Variants in SLC47A2 observed in about 807,000 individuals in gnomAD.
The protein encoded by SLC47A2 is multidrug and toxin extrusion protein 2.
Under a neutral mutation model 67.7 loss-of-function variants are expected in SLC47A2, and 52 were observed. The observed-to-expected ratio is 0.77, with a 90% confidence interval of 0.61 to 0.97. The LOEUF (loss-of-function observed/expected upper bound fraction) is 0.97, where lower values mean the gene tolerates loss of function less well. Among genes scored for constraint, SLC47A2 ranks in the 50% least tolerant of loss-of-function variants. The pLI is 0.00. For synonymous variants in SLC47A2, 278 were observed against 292.9 expected (o/e 0.95, Z 0.52); for missense variants, 676 against 712.3 (o/e 0.95, Z 0.58).
chr17:19,711,270 T>C (rs1475676948), intron 5 of SLC47A2, among the ~76,000 whole-genome samples: 1 of 151,834 alleles, frequency 6.6e-6, no homozygotes, highest in Non-Finnish European at 1.5e-5. Context: ...AATAAGTACA[T>C]GAGAAAATGT....
At chr17:19,682,997 G>A (rs1487725484) in intron 13 of SLC47A2, among the ~76,000 whole-genome samples, 1 of 152,196 alleles carries the variant, frequency 6.6e-6, no homozygotes, top group Non-Finnish European at 1.5e-5. Context: ...TGTGAGAGGT[G>A]GGGAGTATTT....
chr17:19,697,156 G>A (rs1020024507), intron 13 of SLC47A2, among the ~76,000 whole-genome samples: 8 of 152,164 alleles, frequency 5.3e-5, no homozygotes, highest in Non-Finnish European at 1.0e-4. Context: ...AATTAGCCAG[G>A]TGTAGGTGGT....
At chr17:19,681,228 A>AAC in intron 15 of SLC47A2, 139 bp downstream of exon 15, 2 of 666,440 alleles carry the variant, frequency 3.0e-6, no homozygotes, top group Non-Finnish European at 5.0e-6. Context: ...CAAACAAACA[A>AAC]AAAAAAAAAA....
At chr17:19,702,366 C>T (rs1452186310) in intron 13 of SLC47A2, 3 of 985,382 alleles carry the variant, frequency 3.0e-6, no homozygotes, top group Non-Finnish European at 3.6e-6. Context: ...TGCAATTTTT[C>T]AGTTCTTTGC....
intron 15 of SLC47A2, 74 bp from the exon 16 acceptor site, chr17:19,680,113 C>T: frequency 1.4e-6 from 2 of 1,439,420 alleles, no homozygotes; most frequent in Admixed American, 2.0e-5. Context: ...GCCTCGCATT[C>T]TCTGTTTTTA....
At chr17:19,708,682 G>A in intron 6 of SLC47A2, 34 bp downstream of exon 6, 2 of 1,613,588 alleles carry the variant, frequency 1.2e-6, no homozygotes, top group Middle Eastern at 1.6e-4. Context: ...AGTGTGCTGG[G>A]AGAAGGGCCT....
chr17:19,684,794 A>T (rs529248501), intron 13 of SLC47A2, among the ~76,000 whole-genome samples: 1 of 152,018 alleles, frequency 6.6e-6, no homozygotes, highest in Non-Finnish European at 1.5e-5. Flanking sequence ...TGCATCTATT[A>T]AAAAAACTAC....
intron 4 of SLC47A2, 54 bp from the exon 5 acceptor site, chr17:19,712,799 G>C: frequency 6.4e-7 from 1 of 1,568,772 alleles, no homozygotes. Context: ...CGGGGAGGCA[G>C]GGCCCTCTCC....
At chr17:19,714,617 C>T (rs1386138693) in intron 3 of SLC47A2, 104 bp downstream of exon 3, 6 of 1,387,290 alleles carry the variant, frequency 4.3e-6, no homozygotes, top group Non-Finnish European at 2.0e-6. Flanking sequence ...CCCATTGCTC[C>T]CAGATCACCT....
chr17:19,704,214 C>T (rs754156153), intron 10 of SLC47A2, 36 bp from the exon 11 acceptor site: 17 of 1,556,506 alleles, frequency 1.1e-5, no homozygotes, highest in Non-Finnish European at 1.2e-5. Flanking sequence ...GTCAGTGGGC[C>T]CACCCTCCAA....
At chr17:19,681,811 C>G in intron 13 of SLC47A2, 141 bp from the exon 14 acceptor site, 1 of 1,044,220 alleles carries the variant, frequency 9.6e-7, no homozygotes, top group Non-Finnish European at 1.4e-6. Flanking sequence ...CCTTATCTCC[C>G]TTTCTTCCCT....
intron 13 of SLC47A2, among the ~76,000 whole-genome samples, chr17:19,693,801 A>G (rs114628531): frequency 0.021 from 3,214 of 152,162 alleles, 58 homozygotes; most frequent in African/African-American, 0.046. Context: ...CCGTCTCAGA[A>G]CAAAACAAAA....
intron 5 of SLC47A2, among the ~76,000 whole-genome samples, chr17:19,711,836 T>A (rs2086110131): frequency 6.6e-6 from 1 of 152,060 alleles, no homozygotes; most frequent in African/African-American, 2.4e-5. Flanking sequence ...CACAAAGATT[T>A]TTTTTTAAGA....
chr17:19,679,336 T>C (rs1011964217), intron 16 of SLC47A2, among the ~76,000 whole-genome samples: 1 of 152,218 alleles, frequency 6.6e-6, no homozygotes, highest in African/African-American at 2.4e-5. Context: ...GGAGACATCA[T>C]CTGTGTGAGC....
At chr17:19,689,198 T>C (rs1462544792) in intron 13 of SLC47A2, among the ~76,000 whole-genome samples, 1 of 152,058 alleles carries the variant, frequency 6.6e-6, no homozygotes, top group African/African-American at 2.4e-5. Context: ...TGAGCCACCA[T>C]GTCTGGCCCA....
rs570002397 is a variant in SLC47A2, at chr17:19,681,395, C to T, written c.1364G>A (p.Arg455Gln). 4.8e-5 allele frequency: 77 copies of T among 1,611,986 alleles called. No individual in the cohort carries two copies. In the South Asian group the frequency reaches 6.4e-4, roughly 13 times the overall value. The change falls in exon 15 of 17, where the codon CGG becomes CAG. Residue 455 changes from arginine to glutamine, a missense_variant. Physicochemically the swap from Arg to Gln is conservative, Grantham distance 43. Transcript: ENST00000433844. The stretch of plus-strand genomic sequence containing the variant: ...CTCTGCAGCAAGCTTCCAGTCCAGC[C>T]GGGCAGTATAAGCAACAAAGGCAGC... ...ATAAFVAYTA[R>Q]LDWKLAAEEA...
intron 13 of SLC47A2, among the ~76,000 whole-genome samples, chr17:19,696,295 CAAAAAA>C (rs397960037): frequency 8.6e-5 from 10 of 116,378 alleles, no homozygotes; most frequent in Non-Finnish European, 3.6e-5. Flanking sequence ...TACTAAAATA[CAAAAAA>C]AAAAAAAAAA....
chr17:19,698,295 C>T (rs993206327), intron 13 of SLC47A2, among the ~76,000 whole-genome samples: 9 of 152,202 alleles, frequency 5.9e-5, no homozygotes, highest in Non-Finnish European at 1.2e-4. Context: ...TAAATGGCTA[C>T]TGTGTTTCAG....
intron 9 of SLC47A2, 76 bp downstream of exon 9, chr17:19,706,572 G>C: frequency 1.6e-6 from 2 of 1,260,870 alleles, no homozygotes; most frequent in Non-Finnish European, 1.1e-6. Context: ...TGGGTGAGCC[G>C]CCATCCTGGG....
Sources: gnomAD v4.1 joint callset for allele counts (sites outside exome capture counted in the v4.1 genomes callset) on GRCh38, gnomAD v4.1.1 for gene constraint, MANE v1.5 for transcripts, NCBI Gene and HGNC (gene_info 2026-07-23, HGNC 2026-07-21) for gene names.